KIF13A: variants seen among roughly 807,000 people sequenced by gnomAD.
KIF13A encodes kinesin-like protein KIF13A.
In KIF13A, 79 loss-of-function variants were observed where a neutral mutation model predicts 212.2. That is an observed-to-expected ratio of 0.37 (90% CI 0.31 to 0.45). KIF13A has a LOEUF of 0.45. KIF13A is among the 20% of genes least tolerant of loss of function. The pLI is 1.00. For synonymous variants in KIF13A, 789 were observed against 808.6 expected (o/e 0.98, Z 0.41); for missense variants, 1,901 against 2,209.0 (o/e 0.86, Z 2.79).
In KIF13A at chr6:17,856,715, G is replaced by A. The variant is rs1768175627; in HGVS notation, c.221-593C>T. On this transcript the variant is annotated intron_variant, in intron 4 of 38. Coordinates refer to ENST00000259711, the MANE Select transcript of KIF13A (RefSeq NM_022113.6). This position sits in a 1 kb window ranked among gnomAD's most constrained non-coding sequence, Gnocchi z 4.5. ...TCACACTGCAGCTCTTGGGGGCATT[G>A]TGTCATGTACTATACTATGGCAGAG... Among the ~76,000 whole-genome samples, 1 of 152,206 alleles carries A rather than the reference G, an allele frequency of 6.6e-6. No individual in the cohort carries two copies. Among genetic ancestry groups the A allele is most frequent in the Non-Finnish European group, 1.5e-5 (1 of 68,050 alleles).
chr6:17,825,585 G>C lies in KIF13A; in HGVS notation c.1786+183C>G, dbSNP rs895888474. Among the ~76,000 whole-genome samples, 9 of 152,172 alleles carry C rather than the reference G, an allele frequency of 5.9e-5. No individual in the cohort carries two copies. The highest frequency in any genetic ancestry group is 5.9e-4 in the Admixed American group (9 of 15,276). On this transcript the variant is annotated intron_variant, in intron 16 of 38. Transcript: ENST00000259711. This position sits in a 1 kb window ranked among gnomAD's most constrained non-coding sequence, Gnocchi z 4.5. ...ATCCATATCCTCATTGTAACTGAGGGAGAAGACCATCTCCCCCACATCTTG... is the reference window on the plus strand; with the variant it reads ...ATCCATATCCTCATTGTAACTGAGGCAGAAGACCATCTCCCCCACATCTTG...
Position 17,825,941 on chromosome 6 carries a change from G to A in KIF13A, c.1620-7C>T, listed in dbSNP as rs1237061175. 2 of 1,613,242 alleles carry A rather than the reference G, an allele frequency of 1.2e-6. No individual in the cohort carries two copies. Among genetic ancestry groups the A allele is most frequent in the Non-Finnish European group, 1.7e-6 (2 of 1,179,668 alleles). On this transcript the variant is annotated splice_region_variant and splice_polypyrimidine_tract_variant and intron_variant, in intron 15 of 38. Coordinates refer to ENST00000259711, the MANE Select transcript of KIF13A (RefSeq NM_022113.6). The surrounding 1 kb of genome is among the most constrained non-coding windows in gnomAD (Gnocchi z 4.5). Reference sequence around the variant, plus strand: ...CCTCTTAGGTAAGTTTATTCTGTGGGGTTTTTCACCATTAGAGAAAATCAA... The same window carrying A: ...CCTCTTAGGTAAGTTTATTCTGTGGAGTTTTTCACCATTAGAGAAAATCAA...
intron 3 of KIF13A, among the ~76,000 whole-genome samples, chr6:17,876,492 T>C (rs1770567246): frequency 6.6e-6 from 1 of 152,230 alleles, no homozygotes; most frequent in African/African-American, 2.4e-5. Flanking sequence ...AGAAGCATTC[T>C]TGGTTAAATC....
chr6:17,851,469 T>A (rs538384229), intron 7 of KIF13A, among the ~76,000 whole-genome samples: 23 of 152,342 alleles, frequency 1.5e-4, no homozygotes, highest in African/African-American at 5.5e-4. Flanking sequence ...AAGCAGAATC[T>A]TGAGTCAGAT....
Position 17,900,510 on chromosome 6 carries a change from T to G in KIF13A, c.147-2330A>C, listed in dbSNP as rs142419593. On this transcript the variant is annotated intron_variant, in intron 2 of 38. Transcript: ENST00000259711. The surrounding 1 kb of genome is among the most constrained non-coding windows in gnomAD (Gnocchi z 4.6). ...TTTGTGTTTCTGAATAAATGCTTGT[T>G]AAGAACAAATTGAGACTGCGAAGAA... is the stretch of plus-strand genomic sequence containing the variant. Among the ~76,000 whole-genome samples the G allele has an allele frequency of 8.0e-4, 122 of 152,290 alleles. 4 individuals are homozygous for G. The East Asian group carries it at 0.022, about 27-fold the overall frequency.
intron 20 of KIF13A, among the ~76,000 whole-genome samples, chr6:17,802,865 T>A (rs974140271): frequency 6.6e-6 from 1 of 151,916 alleles, no homozygotes; most frequent in African/African-American, 2.4e-5. Flanking sequence ...CACCTCAGCC[T>A]CCTGAGTAGC....
At position 17,901,457 on chromosome 6, in the gene KIF13A, C is replaced by G. The variant is rs548061488; in HGVS notation, c.147-3277G>C. On this transcript the variant is annotated intron_variant, in intron 2 of 38. Transcript: ENST00000259711. ...GAGATTGCTTCAAGGTCCTGGGTTT[C>G]TACATAAACAAAACAAAACTTAAAC... is the stretch of plus-strand genomic sequence containing the variant. Among the ~76,000 whole-genome samples the G allele has an allele frequency of 1.6e-3, 247 of 152,230 alleles. 10 individuals carry two copies. In the South Asian group the frequency reaches 0.05, roughly 31 times the overall value.
chr6:17,908,023 C>T (rs1448980762), intron 2 of KIF13A, among the ~76,000 whole-genome samples: 4 of 152,112 alleles, frequency 2.6e-5, no homozygotes, highest in South Asian at 4.2e-4. Context: ...CAGCCCTCAC[C>T]GTGTGTAAGT....
chr6:17,809,347 C>T lies in KIF13A; in HGVS notation c.2001-417G>A, dbSNP rs2150344841. ...AAGAAATTATTTTTCATGACTTCTG[C>T]AGTTGGCAAAAGGCATGCAATGGTA... On this transcript the variant is annotated intron_variant, in intron 17 of 38. Coordinates refer to ENST00000259711, the MANE Select transcript of KIF13A (RefSeq NM_022113.6). This position sits in a 1 kb window ranked among gnomAD's most constrained non-coding sequence, Gnocchi z 4.7. Among the ~76,000 whole-genome samples the T allele has an allele frequency of 6.6e-6, 1 of 152,264 alleles. No homozygotes were observed. The highest frequency in any genetic ancestry group is 6.5e-5 in the Admixed American group (1 of 15,290).
At position 17,796,740 on chromosome 6, in the gene KIF13A, C is replaced by T. The variant is rs766219483; in HGVS notation, c.2871G>A (p.Arg957=). ...AGATGGAGCTGCCATTTCCAGCACACCGGTGGCCCCATACTTCAATGGCCA... is the reference window on the plus strand; with the variant it reads ...AGATGGAGCTGCCATTTCCAGCACATCGGTGGCCCCATACTTCAATGGCCA... The part of the protein sequence containing the change: ...GALAIEVWGH[R]CAGNGSSIWE... Residue 957 remains arginine, a synonymous_variant, in exon 23 of 39, where the codon CGG becomes CGA. Coordinates refer to ENST00000259711, the MANE Select transcript of KIF13A (RefSeq NM_022113.6). 44 of 1,593,734 alleles carry T rather than the reference C, an allele frequency of 2.8e-5. No homozygotes were observed. In the South Asian group the frequency reaches 4.5e-4, roughly 16 times the overall value.
intron 4 of KIF13A, among the ~76,000 whole-genome samples, chr6:17,866,809 G>A (rs1345553471): frequency 7.8e-6 from 1 of 128,564 alleles, no homozygotes; most frequent in Non-Finnish European, 1.6e-5. Flanking sequence ...TGAGTAAAGG[G>A]GAGAACAAAA....
chr6:17,911,656 G>C (rs1255992951), intron 2 of KIF13A, among the ~76,000 whole-genome samples: 1 of 150,418 alleles, frequency 6.6e-6, no homozygotes, highest in African/African-American at 2.5e-5. Flanking sequence ...AGCTGGGAAG[G>C]GTTATGGGCC....
At chr6:17,985,549 T>C (rs1781470893) in intron 2 of KIF13A, among the ~76,000 whole-genome samples, 1 of 145,352 alleles carries the variant, frequency 6.9e-6, no homozygotes, top group South Asian at 2.1e-4. Context: ...CAACAGGAGC[T>C]AAAAAGTATT....
intron 9 of KIF13A, among the ~76,000 whole-genome samples, chr6:17,841,662 GC>G (rs1466775769): frequency 6.6e-6 from 1 of 151,948 alleles, no homozygotes; most frequent in African/African-American, 2.4e-5. Context: ...AGTAGAAGCC[GC>G]CCCTTTTATC....
At chr6:17,795,791 G>A (rs1581950933) in intron 23 of KIF13A, among the ~76,000 whole-genome samples, 1 of 152,130 alleles carries the variant, frequency 6.6e-6, no homozygotes, top group East Asian at 1.9e-4. Flanking sequence ...ATGAGCACAT[G>A]CTTTTAATTT....
chr6:17,767,415 C>T (rs923738498), intron 38 of KIF13A, among the ~76,000 whole-genome samples: 6 of 152,078 alleles, frequency 3.9e-5, no homozygotes, highest in African/African-American at 9.7e-5. Context: ...CCACCATGCC[C>T]GGCTAATTTT....
intron 25 of KIF13A, among the ~76,000 whole-genome samples, chr6:17,793,739 G>A (rs1472623132): frequency 6.7e-6 from 1 of 150,248 alleles, no homozygotes; most frequent in Admixed American, 6.6e-5. Flanking sequence ...AGAATGACAT[G>A]CCCTTCTCTA....
chr6:17,950,713 C>A lies in KIF13A; in HGVS notation c.146+36341G>T, dbSNP rs114490978. Reference sequence around the variant, plus strand: ...TACACTTTTAATCATGCCTAAAAAACGAAATATATGACAAAAAATACTCAA... The same window carrying A: ...TACACTTTTAATCATGCCTAAAAAAAGAAATATATGACAAAAAATACTCAA... On this transcript the variant is annotated intron_variant, in intron 2 of 38. Coordinates refer to ENST00000259711, the MANE Select transcript of KIF13A (RefSeq NM_022113.6). The A allele has an allele frequency of 5.1e-6, 5 of 983,394 alleles. No individual in the cohort carries two copies. In the South Asian group the frequency reaches 1.9e-4, roughly 37 times the overall value. The allele number at this position is 983,394 out of a possible 1,614,324, so 60.9% of individuals were successfully genotyped here. A position where few individuals can be genotyped will look rare whatever the true frequency, so the allele number is the denominator to read the frequency against.
rs80266843 is a variant in KIF13A, at chr6:17,873,883, C to A, written c.160-446G>T. Among the ~76,000 whole-genome samples, 5 of 152,128 alleles carry A rather than the reference C, an allele frequency of 3.3e-5. No homozygotes were observed. The East Asian group carries it at 9.6e-4, about 29-fold the overall frequency. ...CTGGGATTATAGGTGTGAGCCATCGCGCCTGGCCCTATGATATTTCTTTTA... is the reference window on the plus strand; with the variant it reads ...CTGGGATTATAGGTGTGAGCCATCGAGCCTGGCCCTATGATATTTCTTTTA... On this transcript the variant is annotated intron_variant, in intron 3 of 38. Transcript: ENST00000259711.
Sources: allele counts gnomAD v4.1 joint callset (sites outside exome capture counted in the v4.1 genomes callset), GRCh38; gene constraint gnomAD v4.1.1; non-coding constraint Gnocchi (gnomAD v3.1); transcripts MANE v1.5; gene names NCBI Gene and HGNC (gene_info 2026-07-23, HGNC 2026-07-21).